The following PXDNL variants were observed in gnomAD, a reference collection of about 807,000 sequenced individuals.
PXDNL encodes the protein probable oxidoreductase PXDNL.
Under a neutral mutation model 150.8 loss-of-function variants are expected in PXDNL, and 145 were observed. The ratio of observed to expected loss-of-function variants is 0.96; its 90% confidence interval spans 0.84 to 1.10. The LOEUF (loss-of-function observed/expected upper bound fraction) is 1.10. Ranked by LOEUF, PXDNL falls within the 50% of genes least tolerant of loss-of-function variation. The pLI is 0.00. For missense variants in PXDNL, 2,087 were observed against 1,873.9 expected, an observed-to-expected ratio of 1.11 and a Z score of -2.10; for synonymous variants, 757 against 725.7, an observed-to-expected ratio of 1.04 and a Z score of -0.69.
At chr8:51,466,728 G>T (rs755417211) in intron 8 of PXDNL, among the ~76,000 whole-genome samples, 1 of 152,048 alleles carries the variant, frequency 6.6e-6, no homozygotes, top group Admixed American at 6.6e-5. Flanking sequence ...TTAATAAGCA[G>T]GCGAACTACA....
chr8:51,654,579 T>G (rs1306945227), intron 2 of PXDNL, 110 bp downstream of exon 2: 12 of 771,752 alleles, frequency 1.6e-5, no homozygotes, highest in Non-Finnish European at 2.4e-5. Flanking sequence ...ATCTACAAGG[T>G]GTCATTCTTC....
At chr8:51,600,638 T>TA (rs1554556754) in intron 2 of PXDNL, among the ~76,000 whole-genome samples, 20 of 92,644 alleles carry the variant, frequency 2.2e-4, no homozygotes, top group African/African-American at 7.9e-4. Flanking sequence ...ATAAATTATA[T>TA]AGTTAGATAA....
chr8:51,342,228 G>A (rs1018242471), intron 20 of PXDNL, among the ~76,000 whole-genome samples: 14 of 151,926 alleles, frequency 9.2e-5, no homozygotes, highest in Admixed American at 5.9e-4. Context: ...TATTTAAGAA[G>A]ATTTGCAAAA....
Position 51,803,708 on chromosome 8 carries a change from G to A in PXDNL, c.164+5473C>T, listed in dbSNP as rs144882184. 1.3e-3 allele frequency among the ~76,000 whole-genome samples: 196 copies of A among 152,264 alleles called. 1 individual carries two copies. The highest frequency in any genetic ancestry group is 4.3e-3 in the African/African-American group (179 of 41,546). On this transcript the variant is annotated intron_variant, in intron 1 of 22. Transcript: ENST00000356297. ...ACAGCCTACACAACCACTGGTGACC[G>A]TCCTGGCTTTTGTTCTTCTTTGTGT...
At chr8:51,490,627 T>TATATATATAC (rs546128757) in intron 5 of PXDNL, among the ~76,000 whole-genome samples, 19 of 146,746 alleles carry the variant, frequency 1.3e-4, no homozygotes, top group African/African-American at 3.9e-4. Context: ...ATGAGTCACA[T>TATATATATAC]ATATATATAC....
At chr8:51,404,845 C>A (rs1039896470) in intron 17 of PXDNL, among the ~76,000 whole-genome samples, 1 of 152,200 alleles carries the variant, frequency 6.6e-6, no homozygotes, top group Non-Finnish European at 1.5e-5. Flanking sequence ...CTTGGGCGGT[C>A]GATGGGACTG....
intron 19 of PXDNL, among the ~76,000 whole-genome samples, chr8:51,364,405 A>G (rs898809727): frequency 6.6e-6 from 1 of 152,224 alleles, no homozygotes; most frequent in Non-Finnish European, 1.5e-5. Flanking sequence ...ATTTCTCCCC[A>G]GAAGAAGATA....
chr8:51,483,149 GC>G (rs1318683409), intron 6 of PXDNL, among the ~76,000 whole-genome samples: 1 of 152,208 alleles, frequency 6.6e-6, no homozygotes, highest in Non-Finnish European at 1.5e-5. Context: ...ATGGACATCA[GC>G]CCACGGATGG....
intron 5 of PXDNL, among the ~76,000 whole-genome samples, chr8:51,491,533 C>G (rs1810895125): frequency 6.6e-6 from 1 of 152,170 alleles, no homozygotes; most frequent in Non-Finnish European, 1.5e-5. Context: ...AGTCCATTCC[C>G]TGCCTTCCAA....
rs945015757 is a variant in PXDNL at position 51,409,048 on chromosome 8, C to T, written c.2576G>A (p.Cys859Tyr). 1.2e-6 allele frequency: 2 copies of T among 1,609,988 alleles called. No individual in the cohort carries two copies. Among genetic ancestry groups the T allele is most frequent in the Non-Finnish European group, 1.7e-6 (2 of 1,179,586 alleles). Residue 859 changes from cysteine (C) to tyrosine (Y), a missense_variant, in exon 17 of 23, where the codon TGC (cysteine) becomes TAC (tyrosine). Cys to Tyr is a radical substitution (Grantham distance 194). Transcript: ENST00000356297. ...HADPRGTHAP[C>Y]MLFARSSPAC... ...GGGGCTGGAGCGCGCGAAGAGCATG[C>T]AGGGCGCGTGGGTGCCCCGGGGGTC...
chr8:51,556,810 T>C, intron 4 of PXDNL, 30 bp downstream of exon 4: 1 of 1,175,204 alleles, frequency 8.5e-7, no homozygotes, highest in Non-Finnish European at 1.3e-6. Flanking sequence ...TCACCATGAG[T>C]GATTTAATAA....
At chr8:51,739,292 G>A (rs1428003635) in intron 1 of PXDNL, among the ~76,000 whole-genome samples, 1 of 152,074 alleles carries the variant, frequency 6.6e-6, no homozygotes. Context: ...GTAAACAATG[G>A]TCAGTGGTAA....
chr8:51,629,705 A>G (rs917591266), intron 2 of PXDNL, among the ~76,000 whole-genome samples: 1 of 152,178 alleles, frequency 6.6e-6, no homozygotes, highest in Non-Finnish European at 1.5e-5. Context: ...AGCGACCCAC[A>G]GTAAGATTAA....
intron 1 of PXDNL, among the ~76,000 whole-genome samples, chr8:51,668,045 G>A (rs1325604714): frequency 1.3e-5 from 2 of 152,074 alleles, no homozygotes; most frequent in African/African-American, 2.4e-5. Context: ...AGGAATTCTT[G>A]TACCAACACC....
chr8:51,681,270 A>G (rs1253498434), intron 1 of PXDNL, among the ~76,000 whole-genome samples: 1 of 152,060 alleles, frequency 6.6e-6, no homozygotes, highest in Non-Finnish European at 1.5e-5. Context: ...CAGTCACCCT[A>G]CGGAAGTCCC....
intron 19 of PXDNL, among the ~76,000 whole-genome samples, chr8:51,356,159 T>C (rs950054446): frequency 1.3e-5 from 2 of 152,184 alleles, no homozygotes; most frequent in Non-Finnish European, 2.9e-5. Flanking sequence ...TCTTGTTTCT[T>C]AGTCAAATAC....
At chr8:51,518,715 G>A (rs1261651292) in intron 4 of PXDNL, among the ~76,000 whole-genome samples, 2 of 152,218 alleles carry the variant, frequency 1.3e-5, no homozygotes, top group Admixed American at 6.5e-5. Context: ...CCCTGAGAAT[G>A]AGAGGGAGAG....
At chr8:51,359,694 A>G (rs1431627) in intron 19 of PXDNL, among the ~76,000 whole-genome samples, 103,459 of 152,024 alleles carry the variant, frequency 0.68, 36,970 homozygotes, top group East Asian at 0.94. Flanking sequence ...CTGGATTGAT[A>G]AGGAAAGTTA....
intron 1 of PXDNL, among the ~76,000 whole-genome samples, chr8:51,791,517 C>T (rs1396240713): frequency 6.6e-6 from 1 of 152,196 alleles, no homozygotes; most frequent in Non-Finnish European, 1.5e-5. Context: ...TGGGTTAACC[C>T]AACGCAGCTG....
Sources: allele counts gnomAD v4.1 joint callset (sites outside exome capture counted in the v4.1 genomes callset), GRCh38; gene constraint gnomAD v4.1.1; transcripts MANE v1.5; gene names NCBI Gene and HGNC (gene_info 2026-07-23, HGNC 2026-07-21).